Variants in SCHIP1 observed in about 807,000 individuals in gnomAD.
The protein encoded by SCHIP1 is schwannomin-interacting protein 1.
In SCHIP1, 8 loss-of-function variants were observed where a neutral mutation model predicts 29.7. The observed-to-expected ratio is 0.27, with a 90% CI of 0.16 to 0.49. The LOEUF is 0.49. Ranked by LOEUF, SCHIP1 falls within the 20% of genes least tolerant of loss-of-function variation. SCHIP1 has a pLI of 0.99. For missense variants in SCHIP1, 193 were observed against 294.6 expected (o/e 0.66, Z 2.52); for synonymous variants, 76 against 94.9 (o/e 0.80, Z 1.16).
the SCHIP1 span, among the ~76,000 whole-genome samples, chr3:159,642,116 C>T: frequency 8.1e-4 from 123 of 152,052 alleles, 1 homozygote; most frequent in African/African-American, 2.3e-3. Context: ...ATATGTAAAA[C>T]GACAAAGCAC....
the SCHIP1 span, among the ~76,000 whole-genome samples, chr3:159,323,254 A>T: frequency 6.6e-6 from 1 of 152,236 alleles, no homozygotes; most frequent in Non-Finnish European, 1.5e-5. Flanking sequence ...ATAGGTAATT[A>T]TACAGATAAT....
At chr3:159,759,647 C>A in the SCHIP1 span, among the ~76,000 whole-genome samples, 2 of 152,154 alleles carry the variant, frequency 1.3e-5, no homozygotes, top group Admixed American at 6.5e-5. Context: ...GGACCCTTTA[C>A]CCCACAGGGC....
At chr3:159,571,725 G>T in the SCHIP1 span, among the ~76,000 whole-genome samples, 1 of 152,166 alleles carries the variant, frequency 6.6e-6, no homozygotes, top group Non-Finnish European at 1.5e-5. Context: ...TTGTACCTCT[G>T]GTAAAATTCG....
At chr3:159,791,347 CAG>C in the SCHIP1 span, among the ~76,000 whole-genome samples, 1 of 152,230 alleles carries the variant, frequency 6.6e-6, no homozygotes, top group Non-Finnish European at 1.5e-5. Context: ...CAAGGTAACA[CAG>C]AGACTAGTAA....
At chr3:159,608,191 G>A in the SCHIP1 span, among the ~76,000 whole-genome samples, 1 of 152,188 alleles carries the variant, frequency 6.6e-6, no homozygotes, top group Non-Finnish European at 1.5e-5. Flanking sequence ...TCTGCTATTG[G>A]TCAAGGAGAC....
exon 3 of SCHIP1, chr3:159,886,282 C>T (rs769876824): frequency 1.5e-5 from 24 of 1,614,116 alleles, no homozygotes; most frequent in Non-Finnish European, 1.9e-5. Context: ...ATGCTGATGA[C>T]AGTAAGACTG....
At chr3:159,540,455 T>G in the SCHIP1 span, among the ~76,000 whole-genome samples, 1 of 152,106 alleles carries the variant, frequency 6.6e-6, no homozygotes, top group South Asian at 2.1e-4. Flanking sequence ...ATTTACAGTA[T>G]TTTTAACCCC....
At chr3:159,788,852 A>G in the SCHIP1 span, among the ~76,000 whole-genome samples, 2 of 152,186 alleles carry the variant, frequency 1.3e-5, no homozygotes, top group African/African-American at 4.8e-5. Flanking sequence ...AATTCACCTT[A>G]CATATATATA....
the SCHIP1 span, among the ~76,000 whole-genome samples, chr3:159,300,737 G>T: frequency 6.6e-6 from 1 of 152,094 alleles, no homozygotes; most frequent in African/African-American, 2.4e-5. Flanking sequence ...ATGCCCTATG[G>T]TTCCCTTCCT....
At chr3:159,331,322 A>G in the SCHIP1 span, among the ~76,000 whole-genome samples, 1 of 152,082 alleles carries the variant, frequency 6.6e-6, no homozygotes. Flanking sequence ...TTGCCTGAAG[A>G]CTGCTTTTGC....
chr3:159,583,957 C>T, the SCHIP1 span, among the ~76,000 whole-genome samples: 2 of 152,110 alleles, frequency 1.3e-5, no homozygotes, highest in African/African-American at 4.8e-5. Context: ...TTGCTCTTGT[C>T]CAGCCTATAG....
At chr3:159,354,546 C>G in the SCHIP1 span, among the ~76,000 whole-genome samples, 2 of 152,146 alleles carry the variant, frequency 1.3e-5, no homozygotes, top group Admixed American at 6.6e-5. Context: ...ATTTCTATAA[C>G]ATTCTTCTTA....
At chr3:159,639,850 C>G in the SCHIP1 span, among the ~76,000 whole-genome samples, 1 of 152,226 alleles carries the variant, frequency 6.6e-6, no homozygotes, top group East Asian at 1.9e-4. Context: ...ACCTCCTAGT[C>G]TCAGTTTCTT....
the SCHIP1 span, among the ~76,000 whole-genome samples, chr3:159,430,867 CT>C: frequency 6.6e-6 from 1 of 152,022 alleles, no homozygotes; most frequent in Non-Finnish European, 1.5e-5. Flanking sequence ...AGAAATGCCC[CT>C]CAATAGTAAC....
the SCHIP1 span, among the ~76,000 whole-genome samples, chr3:159,815,502 C>T: frequency 0.059 from 9,030 of 152,066 alleles, 367 homozygotes; most frequent in Non-Finnish European, 0.067. Flanking sequence ...AAAAGGACGC[C>T]GAAGGTGTGT....
chr3:159,434,854 A>T, the SCHIP1 span, among the ~76,000 whole-genome samples: 1 of 152,128 alleles, frequency 6.6e-6, no homozygotes, highest in South Asian at 2.1e-4. Flanking sequence ...ACCTAAAAGG[A>T]AAAGAAAGTG....
the SCHIP1 span, among the ~76,000 whole-genome samples, chr3:159,771,671 G>A: frequency 4.9e-5 from 7 of 143,670 alleles, no homozygotes; most frequent in African/African-American, 1.9e-4. Flanking sequence ...AAAGAAATAT[G>A]GTTAGGTTTT....
the SCHIP1 span, among the ~76,000 whole-genome samples, chr3:159,505,413 G>A: frequency 6.6e-6 from 1 of 152,150 alleles, no homozygotes; most frequent in African/African-American, 2.4e-5. Flanking sequence ...GGAGAACAAG[G>A]TTGGGGGACA....
At chr3:159,452,104 T>C in the SCHIP1 span, among the ~76,000 whole-genome samples, 1 of 150,454 alleles carries the variant, frequency 6.6e-6, no homozygotes, top group Admixed American at 6.6e-5. Flanking sequence ...GCTGTAACAA[T>C]AAAAAGCCAA....
Sources: allele counts gnomAD v4.1 joint callset (sites outside exome capture counted in the v4.1 genomes callset), GRCh38; gene constraint gnomAD v4.1.1; transcripts MANE v1.5; gene names NCBI Gene and HGNC (gene_info 2026-07-23, HGNC 2026-07-21).